The following PRKCB variants were observed in gnomAD, a reference collection of about 807,000 sequenced individuals.
The protein encoded by PRKCB is protein kinase C beta type.
A neutral mutation model predicts 81.5 loss-of-function variants in PRKCB; 13 were observed. The ratio of observed to expected loss-of-function variants is 0.16; its 90% CI spans 0.10 to 0.25. PRKCB has a LOEUF of 0.25. Among genes scored for constraint, PRKCB ranks in the 10% least tolerant of loss-of-function variants. The pLI is 1.00. For synonymous variants in PRKCB, 335 were observed against 321.4 expected (o/e 1.04, Z -0.45); for missense variants, 509 against 875.7 (o/e 0.58, Z 5.29).
intron 2 of PRKCB, among the ~76,000 whole-genome samples, chr16:23,860,444 ATG>A: frequency 6.6e-6 from 1 of 152,216 alleles, no homozygotes; most frequent in Non-Finnish European, 1.5e-5. Context: ...ACTGGAAGTC[ATG>A]AGAAGTCAGG....
rs1567301121 is a variant in PRKCB, at chr16:23,882,020, T to TTC, written c.205+44616_205+44617dup. Reference sequence around the variant, plus strand: ...TTTCTTTCTTTCTTTCTTTCTTTCTTTCTTCCTTCCTTCCTTCCTTCCTTC... The same window carrying TTC: ...TTTCTTTCTTTCTTTCTTTCTTTCTTTCTCTTCCTTCCTTCCTTCCTTCCTTC... On this transcript the variant is annotated intron_variant, in intron 2 of 16. Transcript: ENST00000643927. Among the ~76,000 whole-genome samples, 34 of 84,744 alleles carry TTC rather than the reference T, an allele frequency of 4.0e-4. 3 individuals carry two copies. Among genetic ancestry groups the TTC allele is most frequent in the Non-Finnish European group, 5.3e-4 (22 of 41,226 alleles). 55.6% of individuals were successfully genotyped at this position (84,744 alleles called of 152,430 possible).
intron 5 of PRKCB, among the ~76,000 whole-genome samples, chr16:24,089,544 G>T (rs1391682223): frequency 3.3e-5 from 5 of 152,172 alleles, no homozygotes; most frequent in African/African-American, 4.8e-5. Context: ...CAAGGCTAGA[G>T]GATCATTTGC....
intron 2 of PRKCB, among the ~76,000 whole-genome samples, chr16:23,866,568 T>C (rs1962794147): frequency 6.6e-6 from 1 of 152,210 alleles, no homozygotes; most frequent in South Asian, 2.1e-4. Flanking sequence ...CCCATGCATA[T>C]GGCCACTTCC....
At chr16:24,200,184 G>T (rs1013654349) in intron 16 of PRKCB, among the ~76,000 whole-genome samples, 1 of 151,914 alleles carries the variant, frequency 6.6e-6, no homozygotes, top group South Asian at 2.1e-4. Context: ...GCATTGAAAT[G>T]AGGCAGCCGA....
At chr16:24,204,353 T>C (rs537141406) in intron 16 of PRKCB, among the ~76,000 whole-genome samples, 1 of 152,058 alleles carries the variant, frequency 6.6e-6, no homozygotes, top group Non-Finnish European at 1.5e-5. Flanking sequence ...GGAAAGCCCA[T>C]GGGCTTTGGA....
chr16:23,838,188 G>T (rs76361035), intron 2 of PRKCB, among the ~76,000 whole-genome samples: 2,175 of 152,332 alleles, frequency 0.014, 31 homozygotes, highest in Non-Finnish European at 0.021. Context: ...AGCCCTTAGG[G>T]TGTCTTACTT....
At chr16:24,098,283 G>A (rs960338903) in intron 7 of PRKCB, 3 of 152,240 alleles carry the variant, frequency 2.0e-5, no homozygotes, top group Admixed American at 2.0e-4. Flanking sequence ...GCTCACTAAG[G>A]AGAAAAGCAG....
intron 5 of PRKCB, among the ~76,000 whole-genome samples, chr16:24,078,527 G>A (rs981928821): frequency 1.3e-5 from 2 of 152,184 alleles, no homozygotes; most frequent in African/African-American, 4.8e-5. Context: ...AGATGTTTAT[G>A]GGGGGCAGGT....
intron 15 of PRKCB, 27 bp downstream of exon 15, chr16:24,185,594 C>CA: frequency 6.3e-7 from 1 of 1,577,216 alleles, no homozygotes; most frequent in Non-Finnish European, 8.7e-7. Context: ...AAGCTGTGAC[C>CA]AGGACCACCA....
At chr16:24,072,538 C>T (rs1417786305) in intron 5 of PRKCB, among the ~76,000 whole-genome samples, 1 of 152,062 alleles carries the variant, frequency 6.6e-6, no homozygotes, top group African/African-American at 2.4e-5. Context: ...GTGTAAGCCA[C>T]CACAACCAGC....
Position 24,219,063 on chromosome 16 carries a change from C to A in PRKCB, c.*4247C>A. Reference sequence around the variant, plus strand: ...ATGATGAGGAAAGACAAGAGGCTTGCAAGGACCCTGAAGAGGTCGGAGCAT... The same window carrying A: ...ATGATGAGGAAAGACAAGAGGCTTGAAAGGACCCTGAAGAGGTCGGAGCAT... On this transcript the variant is annotated 3_prime_UTR_variant, in exon 17 of 17. Coordinates refer to ENST00000643927, the MANE Select transcript of PRKCB (RefSeq NM_002738.7). 1.0e-6 allele frequency: 1 copy of A among 985,448 alleles called. No individual in the cohort carries two copies. The highest frequency in any genetic ancestry group is 4.7e-5 in the South Asian group (1 of 21,278). The allele number at this position is 985,448 out of a possible 1,614,324, so 61.0% of individuals were successfully genotyped here. A position where few individuals can be genotyped will look rare whatever the true frequency, so the allele number is the denominator to read the frequency against.
chr16:24,013,794 A>AT (rs1965237463), intron 3 of PRKCB, among the ~76,000 whole-genome samples: 2 of 151,672 alleles, frequency 1.3e-5, no homozygotes, highest in Admixed American at 1.3e-4. Context: ...AAAAAAAAAA[A>AT]AAGTATAGAC....
At chr16:24,105,182 G>A (rs924202141) in intron 7 of PRKCB, among the ~76,000 whole-genome samples, 2 of 151,740 alleles carry the variant, frequency 1.3e-5, no homozygotes, top group Non-Finnish European at 2.9e-5. Flanking sequence ...TCAGCCTCCC[G>A]AGTAGCAGGG....
chr16:24,178,560 A>G (rs1360931088), intron 12 of PRKCB, among the ~76,000 whole-genome samples: 6 of 152,266 alleles, frequency 3.9e-5, no homozygotes, highest in African/African-American at 7.2e-5. Flanking sequence ...AATCACATAT[A>G]TCACATATAG....
At chr16:24,099,708 C>T (rs949306692) in intron 7 of PRKCB, 3 of 152,208 alleles carry the variant, frequency 2.0e-5, no homozygotes, top group African/African-American at 7.2e-5. Context: ...CGTGGTGGCT[C>T]ATGCCTGCAA....
chr16:23,855,384 G>A (rs753345551), intron 2 of PRKCB, among the ~76,000 whole-genome samples: 2 of 152,106 alleles, frequency 1.3e-5, no homozygotes, highest in Admixed American at 6.5e-5. Context: ...ATGGCACAGA[G>A]CCTACCTCCC....
chr16:24,128,051 G>GAAAACAAAACAAAAC (rs369204846), intron 9 of PRKCB, among the ~76,000 whole-genome samples: 1,857 of 151,388 alleles, frequency 0.012, 39 homozygotes, highest in African/African-American at 0.042. Flanking sequence ...CTTAACCCAG[G>GAAAACAAAACAAAAC]AAAACAAAAC....
chr16:24,069,788 C>CA (rs1310366161), intron 5 of PRKCB, among the ~76,000 whole-genome samples: 1 of 152,106 alleles, frequency 6.6e-6, no homozygotes, highest in Non-Finnish European at 1.5e-5. Flanking sequence ...AGTATGTGCT[C>CA]AATAAAAGTT....
chr16:24,141,023 A>C (rs894738541), intron 9 of PRKCB, among the ~76,000 whole-genome samples: 3 of 152,166 alleles, frequency 2.0e-5, no homozygotes, highest in Non-Finnish European at 4.4e-5. Context: ...GTCATCATTT[A>C]GTTATAATTT....
Sources: allele counts gnomAD v4.1 joint callset (sites outside exome capture counted in the v4.1 genomes callset), GRCh38; gene constraint gnomAD v4.1.1; transcripts MANE v1.5; gene names NCBI Gene and HGNC (gene_info 2026-07-23, HGNC 2026-07-21).